Variants in PRKCB observed in about 807,000 individuals in gnomAD.
The protein encoded by PRKCB is protein kinase C beta.
A neutral mutation model predicts 81.5 loss-of-function variants in PRKCB; 13 were observed. The observed-to-expected ratio is 0.16, with a 90% CI of 0.10 to 0.25. The LOEUF (loss-of-function observed/expected upper bound fraction) is 0.25. Ranked by LOEUF, PRKCB falls within the 10% of genes least tolerant of loss-of-function variation. The pLI is 1.00. For synonymous variants in PRKCB, 335 were observed against 321.4 expected, an observed-to-expected ratio of 1.04 and a Z score of -0.45; for missense variants, 509 against 875.7, an observed-to-expected ratio of 0.58 and a Z score of 5.29.
chr16:24,035,382 C>A, intron 4 of PRKCB, 37 bp from the exon 5 acceptor site: 1 of 1,602,604 alleles, frequency 6.2e-7, no homozygotes, highest in Non-Finnish European at 8.5e-7. Flanking sequence ...CCAGCCTGGG[C>A]CAGCCTAAGC....
At chr16:23,918,376 C>G (rs1416449912) in intron 2 of PRKCB, among the ~76,000 whole-genome samples, 1 of 148,512 alleles carries the variant, frequency 6.7e-6, no homozygotes, top group African/African-American at 2.6e-5. Flanking sequence ...CTTTGTGTTA[C>G]CTTTTTATTA....
intron 7 of PRKCB, among the ~76,000 whole-genome samples, chr16:24,108,824 A>G (rs1436376945): frequency 7.2e-5 from 11 of 151,882 alleles, no homozygotes; most frequent in African/African-American, 2.7e-4. Context: ...CTATTCCACA[A>G]AGCCGCCATT....
At chr16:24,072,193 A>G (rs1441965363) in intron 5 of PRKCB, among the ~76,000 whole-genome samples, 5 of 152,158 alleles carry the variant, frequency 3.3e-5, no homozygotes, top group Admixed American at 3.3e-4. Flanking sequence ...TCATTCCAAA[A>G]TAAAGCCCCA....
intron 9 of PRKCB, among the ~76,000 whole-genome samples, chr16:24,150,471 A>G (rs1205145491): frequency 3.3e-5 from 5 of 152,242 alleles, no homozygotes; most frequent in African/African-American, 4.8e-5. Context: ...GGCTTGGCTC[A>G]GGTTGAGGAA....
intron 2 of PRKCB, among the ~76,000 whole-genome samples, chr16:23,945,343 TAATGTGTGTG>T: frequency 6.6e-6 from 1 of 152,160 alleles, no homozygotes; most frequent in East Asian, 1.9e-4. Flanking sequence ...GATATGGAAA[TAATGTGTGTG>T]ATCCTTCCCC....
At chr16:23,947,121 G>T (rs755069386) in intron 2 of PRKCB, among the ~76,000 whole-genome samples, 34 of 152,138 alleles carry the variant, frequency 2.2e-4, no homozygotes, top group Non-Finnish European at 4.6e-4. Context: ...CTCCCAAAGC[G>T]CTGGCATTAC....
intron 2 of PRKCB, among the ~76,000 whole-genome samples, chr16:23,933,268 C>T (rs191141954): frequency 2.0e-5 from 3 of 152,286 alleles, no homozygotes; most frequent in African/African-American, 7.2e-5. Context: ...ATGGCAGCCA[C>T]ATTATGACTA....
chr16:24,146,670 C>A (rs968007006), intron 9 of PRKCB, among the ~76,000 whole-genome samples: 1 of 152,140 alleles, frequency 6.6e-6, no homozygotes, highest in South Asian at 2.1e-4. Context: ...GCCAGGAATC[C>A]CTGGGCTACT....
At chr16:24,156,033 G>T (rs1035316663) in intron 10 of PRKCB, among the ~76,000 whole-genome samples, 10 of 152,128 alleles carry the variant, frequency 6.6e-5, no homozygotes, top group Non-Finnish European at 1.0e-4. Flanking sequence ...GCGACTGATG[G>T]TTGGTGCCTA....
chr16:24,187,892 T>C (rs1374454234), intron 15 of PRKCB, among the ~76,000 whole-genome samples: 1 of 152,220 alleles, frequency 6.6e-6, no homozygotes, highest in Non-Finnish European at 1.5e-5. Context: ...GGCTTCTGTT[T>C]ATTTTAAAAA....
chr16:24,219,677 CACACACA>C lies in PRKCB; in HGVS notation c.*4862_*4868del, dbSNP rs2141998905. Reference sequence around the variant, plus strand: ...AGCAACACACACACACACACACACACACACACACACACACACACACACACACCACTTT... The same window carrying C: ...AGCAACACACACACACACACACACACCACACACACACACACACACCACTTT... On this transcript the variant is annotated 3_prime_UTR_variant, in exon 17 of 17. Coordinates refer to ENST00000643927, the MANE Select transcript of PRKCB (RefSeq NM_002738.7). 7 of 1,225,702 alleles carry C rather than the reference CACACACA, an allele frequency of 5.7e-6. No individual in the cohort carries two copies. The highest frequency in any genetic ancestry group is 7.2e-6 in the Non-Finnish European group (7 of 977,752). 75.9% of individuals were successfully genotyped at this position (1,225,702 alleles called of 1,614,324 possible).
At chr16:23,975,876 T>C (rs1008165317) in intron 2 of PRKCB, among the ~76,000 whole-genome samples, 16 of 152,190 alleles carry the variant, frequency 1.1e-4, no homozygotes, top group African/African-American at 3.9e-4. Context: ...AAAAAACAAT[T>C]CAAGTTGGTT....
At chr16:23,917,084 T>C (rs1475837870) in intron 2 of PRKCB, among the ~76,000 whole-genome samples, 1 of 152,042 alleles carries the variant, frequency 6.6e-6, no homozygotes, top group Non-Finnish European at 1.5e-5. Context: ...TGTCTCATTC[T>C]ATTTTTATTT....
chr16:23,893,560 A>G (rs1036543553), intron 2 of PRKCB: 2 of 152,238 alleles, frequency 1.3e-5, no homozygotes, highest in African/African-American at 4.8e-5. Flanking sequence ...TGTGAAAAGC[A>G]TTTTTAAAAA....
chr16:24,077,097 C>T (rs1452039716), intron 5 of PRKCB, among the ~76,000 whole-genome samples: 1 of 152,026 alleles, frequency 6.6e-6, no homozygotes, highest in Non-Finnish European at 1.5e-5. Context: ...GCCTCTAGGA[C>T]CCTGTTCCAG....
intron 5 of PRKCB, among the ~76,000 whole-genome samples, chr16:24,042,601 C>G (rs752543360): frequency 2.0e-5 from 3 of 152,236 alleles, no homozygotes; most frequent in Non-Finnish European, 4.4e-5. Context: ...TGACACATTT[C>G]AAAGTAAACT....
At position 23,836,142 on chromosome 16, in the gene PRKCB, G is replaced by T; in HGVS notation, c.-34G>T. The T allele has an allele frequency of 1.4e-6, 2 of 1,384,264 alleles. No individual in the cohort carries two copies. The highest frequency in any genetic ancestry group is 1.9e-6 in the Non-Finnish European group (2 of 1,066,882). The allele number at this position is 1,384,264 out of a possible 1,614,324, so 85.7% of individuals were successfully genotyped here. ...CCCGCGGTCCCGCGGCCCCGGGGCCGGCACCTCTCGGGCTCCGGCTCCCCG... is the reference window on the plus strand; with the variant it reads ...CCCGCGGTCCCGCGGCCCCGGGGCCTGCACCTCTCGGGCTCCGGCTCCCCG... On this transcript the variant is annotated 5_prime_UTR_variant, in exon 1 of 17. Transcript: ENST00000643927.
chr16:24,193,468 TAAATAAA>T (rs1177506798), intron 16 of PRKCB, among the ~76,000 whole-genome samples: 1 of 103,554 alleles, frequency 9.7e-6, no homozygotes, highest in African/African-American at 4.1e-5. Flanking sequence ...AATAAATAAA[TAAATAAA>T]TAAATAAATA....
At chr16:24,198,879 T>C (rs904232766) in intron 16 of PRKCB, among the ~76,000 whole-genome samples, 2 of 152,172 alleles carry the variant, frequency 1.3e-5, no homozygotes, top group Non-Finnish European at 2.9e-5. Context: ...ACTCCTGACA[T>C]TGGAGCAACC....
Sources: gnomAD v4.1 joint callset for allele counts (sites outside exome capture counted in the v4.1 genomes callset) on GRCh38, gnomAD v4.1.1 for gene constraint, MANE v1.5 for transcripts, NCBI Gene and HGNC (gene_info 2026-07-23, HGNC 2026-07-21) for gene names.